RIC1: variants seen among roughly 807,000 people sequenced by gnomAD.
The protein encoded by RIC1 is RIC1 partner of RAB6A GEF complex, also known as guanine nucleotide exchange factor subunit RIC1.
RIC1 carries 88 observed loss-of-function variants against 169.0 expected under a neutral mutation model. The ratio of observed to expected loss-of-function variants is 0.52; its 90% confidence interval spans 0.44 to 0.62. The LOEUF is 0.62. Ranked by LOEUF, RIC1 falls within the 20% of genes least tolerant of loss-of-function variation. The probability of loss-of-function intolerance (pLI) is 0.00; values close to 1 mark genes in which losing one functional copy is unlikely to be tolerated. For synonymous variants in RIC1, 790 were observed against 601.5 expected, an observed-to-expected ratio of 1.31 and a Z score of -4.59; for missense variants, 1,877 against 1,725.5, an observed-to-expected ratio of 1.09 and a Z score of -1.56.
chr9:5,745,477 G>T (rs1825322872), intron 10 of RIC1, among the ~76,000 whole-genome samples: 1 of 152,134 alleles, frequency 6.6e-6, no homozygotes, highest in African/African-American at 2.4e-5. Flanking sequence ...CTATAATGAA[G>T]ACTCTAGTCT....
chr9:5,753,493 T>C (rs892142699), intron 13 of RIC1, 43 bp from the exon 14 acceptor site: 21 of 1,212,352 alleles, frequency 1.7e-5, no homozygotes, highest in African/African-American at 3.1e-5. Context: ...TAATAAAGTA[T>C]ATAGGTTTGC....
chr9:5,732,534 T>G (rs1211117752), intron 7 of RIC1, 55 bp downstream of exon 7: 38 of 914,632 alleles, frequency 4.2e-5, no homozygotes, highest in South Asian at 5.2e-5. Flanking sequence ...AAATACTGGT[T>G]TTTTTTTTTG....
At chr9:5,730,283 T>C (rs2130916448) in intron 6 of RIC1, among the ~76,000 whole-genome samples, 1 of 152,292 alleles carries the variant, frequency 6.6e-6, no homozygotes, top group African/African-American at 2.4e-5. Context: ...TTTAATATGC[T>C]TGAAGCCCTT....
Position 5,765,579 on chromosome 9 carries a change from T to A in RIC1, c.3000+7T>A, listed in dbSNP as rs1826674504. The A allele has an allele frequency of 6.2e-7, 1 of 1,613,878 alleles. No individual in the cohort carries two copies. Among genetic ancestry groups the A allele is most frequent in the Non-Finnish European group, 8.5e-7 (1 of 1,179,918 alleles). On this transcript the variant is annotated splice_region_variant and intron_variant, in intron 20 of 25. Coordinates refer to ENST00000414202, the MANE Select transcript of RIC1 (RefSeq NM_020829.4). The stretch of plus-strand genomic sequence containing the variant: ...ATCCACACCCACAGCTCAGGTTAGT[T>A]GCAAAAGTTACACATCTTCTCTAGG...
At chr9:5,769,456 T>C in intron 22 of RIC1, 200 bp downstream of exon 22, 1 of 1,473,140 alleles carries the variant, frequency 6.8e-7, no homozygotes, top group Non-Finnish European at 8.9e-7. Context: ...TGTCTCTAAG[T>C]CTTGTGACCT....
intron 6 of RIC1, among the ~76,000 whole-genome samples, chr9:5,723,034 T>C (rs1823709002): frequency 6.6e-6 from 1 of 152,252 alleles, no homozygotes; most frequent in South Asian, 2.1e-4. Flanking sequence ...CGTGTGTCTT[T>C]ATAGCAGCAT....
chr9:5,721,887 T>C (rs567796149), intron 6 of RIC1, among the ~76,000 whole-genome samples: 1 of 151,906 alleles, frequency 6.6e-6, no homozygotes, highest in Non-Finnish European at 1.5e-5. Context: ...ATCTTTTTTG[T>C]TTTCTTTTTT....
chr9:5,640,792 ACT>A (rs544880218), intron 1 of RIC1, among the ~76,000 whole-genome samples: 2 of 151,738 alleles, frequency 1.3e-5, no homozygotes, highest in African/African-American at 2.4e-5. Flanking sequence ...GTGTTGATGA[ACT>A]CTCTCAGCAT....
chr9:5,765,385 A>G, intron 19 of RIC1, 29 bp from the exon 20 acceptor site: 1 of 1,595,592 alleles, frequency 6.3e-7, no homozygotes, highest in Non-Finnish European at 8.5e-7. Context: ...GTAGTATAAA[A>G]AGAATGCTGT....
chr9:5,648,692 T>A (rs1264313083), intron 1 of RIC1, among the ~76,000 whole-genome samples: 1 of 152,232 alleles, frequency 6.6e-6, no homozygotes, highest in African/African-American at 2.4e-5. Context: ...GTTTTCTTTT[T>A]AATAATTGCT....
intron 1 of RIC1, among the ~76,000 whole-genome samples, chr9:5,645,200 C>T (rs1219553396): frequency 6.6e-6 from 1 of 152,042 alleles, no homozygotes; most frequent in Non-Finnish European, 1.5e-5. Flanking sequence ...ACTACAGATG[C>T]CCAACAGCAT....
rs770766396 is a variant in RIC1, at chr9:5,732,486, T to A, written c.812+7T>A. 1 of 1,578,926 alleles carries A rather than the reference T, an allele frequency of 6.3e-7. No homozygotes were observed. Among genetic ancestry groups the A allele is most frequent in the African/African-American group, 1.4e-5 (1 of 73,804 alleles). On this transcript the variant is annotated splice_region_variant and intron_variant, in intron 7 of 25. Coordinates refer to ENST00000414202, the MANE Select transcript of RIC1 (RefSeq NM_020829.4). ...TGGCATTTGGCTGTGTGAGGTATAA[T>A]TGATGTAGGCTTTTGCATTTTTAAG...
chr9:5,635,061 T>TAA (rs1817905077), intron 1 of RIC1, among the ~76,000 whole-genome samples: 1 of 152,142 alleles, frequency 6.6e-6, no homozygotes, highest in Non-Finnish European at 1.5e-5. Flanking sequence ...GATCATGGCT[T>TAA]ACTGCAGCCT....
rs564016517 is a variant in RIC1 at position 5,680,983 on chromosome 9, C to T, written c.253-8976C>T. On this transcript the variant is annotated intron_variant, in intron 2 of 25. Transcript: ENST00000414202. The stretch of plus-strand genomic sequence containing the variant: ...CTGGGACTACAGGCGCCCGCTACCA[C>T]GCCCGGCTAATTTTTTGTATTTTTA... Among the ~76,000 whole-genome samples the T allele has an allele frequency of 9.3e-5, 14 of 150,506 alleles. No individual in the cohort carries two copies. The Middle Eastern group carries it at 0.014, about 147-fold the overall frequency.
At chr9:5,764,507 C>T (rs2131104112) in intron 19 of RIC1, among the ~76,000 whole-genome samples, 1 of 152,346 alleles carries the variant, frequency 6.6e-6, no homozygotes, top group South Asian at 2.1e-4. Flanking sequence ...TGATAGGCTA[C>T]ACTTAAAGAT....
chr9:5,733,292 C>G (rs1355068164), intron 7 of RIC1, among the ~76,000 whole-genome samples: 1 of 142,962 alleles, frequency 7.0e-6, no homozygotes, highest in Non-Finnish European at 1.5e-5. Flanking sequence ...GAGATGGAGT[C>G]TCGCTCTGTT....
At chr9:5,765,842 C>CA in intron 21 of RIC1, 44 bp downstream of exon 21, 1 of 1,600,924 alleles carries the variant, frequency 6.2e-7, no homozygotes, top group South Asian at 1.1e-5. Flanking sequence ...GCATTCATGA[C>CA]ACATTGCATT....
intron 1 of RIC1, among the ~76,000 whole-genome samples, chr9:5,648,874 G>A (rs1008263585): frequency 2.0e-5 from 3 of 152,162 alleles, no homozygotes; most frequent in African/African-American, 7.2e-5. Flanking sequence ...CTGTTGAGTT[G>A]TTTGAGTTCC....
chr9:5,651,558 C>CTT (rs58654916), intron 1 of RIC1, among the ~76,000 whole-genome samples: 21,683 of 107,718 alleles, frequency 0.2, 2,955 homozygotes, highest in East Asian at 0.41. Flanking sequence ...AGTCTTTAAT[C>CTT]TTTTTTTTTT....
Sources: gnomAD v4.1 joint callset for allele counts (sites outside exome capture counted in the v4.1 genomes callset) on GRCh38, gnomAD v4.1.1 for gene constraint, MANE v1.5 for transcripts, NCBI Gene and HGNC (gene_info 2026-07-23, HGNC 2026-07-21) for gene names.